The following SLCO2A1 variants were observed in gnomAD, a reference collection of about 807,000 sequenced individuals.
SLCO2A1 encodes the protein matrin F/G 1.
SLCO2A1 carries 60 observed loss-of-function variants against 71.7 expected under a neutral mutation model. The observed-to-expected ratio is 0.84, with a 90% CI of 0.68 to 1.04. The LOEUF (loss-of-function observed/expected upper bound fraction) is 1.04, where lower values mean the gene tolerates loss of function less well. Among genes scored for constraint, SLCO2A1 ranks in the 50% least tolerant of loss-of-function variants. SLCO2A1 has a pLI of 0.00. For missense variants in SLCO2A1, 745 were observed against 813.4 expected (o/e 0.92, Z 1.02); for synonymous variants, 308 against 326.7 (o/e 0.94, Z 0.62).
At chr3:133,965,701 C>T (rs1395808533) in intron 3 of SLCO2A1, among the ~76,000 whole-genome samples, 1 of 152,118 alleles carries the variant, frequency 6.6e-6, no homozygotes, top group African/African-American at 2.4e-5. Context: ...TGAGGAGGAC[C>T]CTCAGATTCA....
intron 4 of SLCO2A1, 103 bp downstream of exon 4, chr3:133,954,863 T>C (rs1933841562): frequency 1.1e-6 from 1 of 897,792 alleles, no homozygotes; most frequent in Non-Finnish European, 1.7e-6. Context: ...TGCTGGGTTG[T>C]AAGCAAAGAG....
At chr3:134,015,392 A>T (rs570139993) in intron 1 of SLCO2A1, among the ~76,000 whole-genome samples, 1 of 142,362 alleles carries the variant, frequency 7.0e-6, no homozygotes, top group Non-Finnish European at 1.5e-5. Context: ...ATAAAGCTGA[A>T]CTCATAGAAG....
intron 1 of SLCO2A1, among the ~76,000 whole-genome samples, chr3:134,011,053 G>GT (rs1211309682): frequency 6.6e-6 from 1 of 152,028 alleles, no homozygotes; most frequent in Non-Finnish European, 1.5e-5. Context: ...TTGTTTGTTT[G>GT]TTTTTTGTTT....
At chr3:133,984,965 T>C (rs1934679325) in intron 1 of SLCO2A1, among the ~76,000 whole-genome samples, 1 of 152,166 alleles carries the variant, frequency 6.6e-6, no homozygotes, top group Non-Finnish European at 1.5e-5. Flanking sequence ...CCACAGAATG[T>C]TGCAGGCCCC....
At chr3:133,955,272 C>T in intron 3 of SLCO2A1, 79 bp from the exon 4 acceptor site, 3 of 1,310,630 alleles carry the variant, frequency 2.3e-6, no homozygotes, top group South Asian at 1.4e-5. Context: ...CGGCCTTTCT[C>T]CCAGGCCCCT....
At position 133,996,673 on chromosome 3, in the gene SLCO2A1, G is replaced by T. The variant is rs534568120; in HGVS notation, c.97-17055C>A. On this transcript the variant is annotated intron_variant, in intron 1 of 13. Coordinates refer to ENST00000310926, the MANE Select transcript of SLCO2A1 (RefSeq NM_005630.3). ...TTCCCCTGCCTGCCGAGAGATCTGGGATTCATGACCACAGGCTGTCTTCCA... is the reference window on the plus strand; with the variant it reads ...TTCCCCTGCCTGCCGAGAGATCTGGTATTCATGACCACAGGCTGTCTTCCA... Among the ~76,000 whole-genome samples, 167 of 152,268 alleles carry T rather than the reference G, an allele frequency of 1.1e-3. 2 individuals are homozygous for T. The highest frequency in any genetic ancestry group is 4.0e-3 in the African/African-American group (165 of 41,546).
chr3:133,942,634 G>A lies in SLCO2A1; in HGVS notation c.1596C>T (p.Ser532=). 2 of 1,613,706 alleles carry A rather than the reference G, an allele frequency of 1.2e-6. No individual in the cohort carries two copies. Residue 532 remains serine, a synonymous_variant, in exon 11 of 14, where the codon TCC becomes TCT. Transcript: ENST00000310926. ...ISFVSLIACI[S]HNPLYMMVLR... ...GAACCATCATGTAGAGGGGGTTGTG[G>A]GAGATGCAGGCTATCAGGGACACGA...
intron 1 of SLCO2A1, among the ~76,000 whole-genome samples, chr3:133,996,255 C>G (rs1035743195): frequency 1.3e-5 from 2 of 152,238 alleles, no homozygotes; most frequent in Admixed American, 6.5e-5. Context: ...GCAGCAGCCA[C>G]TCTGAGAAGA....
chr3:133,939,617 C>T (rs181155880), intron 11 of SLCO2A1, among the ~76,000 whole-genome samples: 127 of 152,296 alleles, frequency 8.3e-4, no homozygotes, highest in Non-Finnish European at 1.4e-3. Flanking sequence ...GGAAGAGGCA[C>T]CCCTTGGGAC....
At chr3:133,982,331 A>G (rs541780350) in intron 1 of SLCO2A1, among the ~76,000 whole-genome samples, 1 of 150,640 alleles carries the variant, frequency 6.6e-6, no homozygotes, top group Non-Finnish European at 1.5e-5. Context: ...TTCTCTGGAC[A>G]TGATCCATTC....
At chr3:134,011,960 C>A (rs1935355216) in intron 1 of SLCO2A1, among the ~76,000 whole-genome samples, 1 of 152,140 alleles carries the variant, frequency 6.6e-6, no homozygotes, top group Non-Finnish European at 1.5e-5. Context: ...GCATCACAAA[C>A]TTGCAAGGCC....
At chr3:133,958,165 A>C (rs1933940384) in intron 3 of SLCO2A1, among the ~76,000 whole-genome samples, 1 of 152,238 alleles carries the variant, frequency 6.6e-6, no homozygotes, top group South Asian at 2.1e-4. Flanking sequence ...TGACTCCTGC[A>C]GATCCCAGGG....
At chr3:133,991,929 T>C (rs901028510) in intron 1 of SLCO2A1, among the ~76,000 whole-genome samples, 2 of 152,260 alleles carry the variant, frequency 1.3e-5, no homozygotes, top group Non-Finnish European at 2.9e-5. Flanking sequence ...CTGGGAGGAC[T>C]GGCACATCTG....
intron 3 of SLCO2A1, among the ~76,000 whole-genome samples, chr3:133,956,726 G>A (rs983719632): frequency 2.0e-5 from 3 of 152,170 alleles, no homozygotes; most frequent in African/African-American, 7.2e-5. Context: ...TGAAAATATA[G>A]CCTTTTTTTT....
Position 133,953,728 on chromosome 3 carries a change from G to A in SLCO2A1, c.659C>T (p.Ala220Val), listed in dbSNP as rs1459893043. The change falls in exon 5 of 14, where the codon GCT becomes GTT. Residue 220 changes from alanine (A) to valine (V), a missense_variant. By Grantham distance (64) the Ala-to-Val change is moderately conservative. Transcript: ENST00000310926. ...ILFAISVFGP[A>V]FGYLLGSVML... is the part of the protein sequence containing the mutation. The stretch of plus-strand genomic sequence containing the variant: ...GACAGAGCCCAGCAGGTACCCGAAA[G>A]CCGGTCCAAATACAGAGATGGCAAA... 2.5e-6 allele frequency: 4 copies of A among 1,614,058 alleles called. No individual in the cohort carries two copies. The highest frequency in any genetic ancestry group is 2.7e-5 in the African/African-American group (2 of 74,914).
intron 1 of SLCO2A1, among the ~76,000 whole-genome samples, chr3:134,009,402 A>C (rs1172326819): frequency 1.3e-5 from 2 of 152,234 alleles, no homozygotes; most frequent in Admixed American, 6.5e-5. Flanking sequence ...TTTTTAAAAA[A>C]TGATTTGCAT....
intron 1 of SLCO2A1, among the ~76,000 whole-genome samples, chr3:133,981,097 C>T (rs1157311440): frequency 1.3e-5 from 2 of 152,232 alleles, no homozygotes; most frequent in East Asian, 3.8e-4. Flanking sequence ...CAAGGGGTAA[C>T]CCAAGTGCCC....
intron 1 of SLCO2A1, among the ~76,000 whole-genome samples, chr3:134,017,824 T>C (rs1156406300): frequency 1.3e-5 from 2 of 152,038 alleles, no homozygotes; most frequent in Non-Finnish European, 2.9e-5. Context: ...TACACCCTGG[T>C]CTATTACACA....
Position 133,953,773 on chromosome 3 carries a change from A to T in SLCO2A1, c.626-12T>A. On this transcript the variant is annotated splice_polypyrimidine_tract_variant and intron_variant, in intron 4 of 13. Transcript: ENST00000310926. ...GGCAAATAAGATGGCTGGAAAAGGA[A>T]GTAAGGGGAAGGAGACTGAGATAAA... The T allele has an allele frequency of 1.2e-6, 2 of 1,607,758 alleles. No individual in the cohort carries two copies. Among genetic ancestry groups the T allele is most frequent in the Non-Finnish European group, 1.7e-6 (2 of 1,174,238 alleles).
Sources: gnomAD v4.1 joint callset for allele counts (sites outside exome capture counted in the v4.1 genomes callset) on GRCh38, gnomAD v4.1.1 for gene constraint, MANE v1.5 for transcripts, NCBI Gene and HGNC (gene_info 2026-07-23, HGNC 2026-07-21) for gene names.